GRID2: variants seen among roughly 807,000 people sequenced by gnomAD.
The protein encoded by GRID2 is glutamate receptor ionotropic, delta-2.
In GRID2, 33 loss-of-function variants were observed where a neutral mutation model predicts 114.8. That is an observed-to-expected ratio of 0.29 (90% CI 0.22 to 0.38). The LOEUF (loss-of-function observed/expected upper bound fraction) is 0.38. Among genes scored for constraint, GRID2 ranks in the 10% least tolerant of loss-of-function variants. The probability of loss-of-function intolerance (pLI) is 1.00; values close to 1 mark genes in which losing one functional copy is unlikely to be tolerated. For synonymous variants in GRID2, 505 were observed against 449.9 expected, an observed-to-expected ratio of 1.12 and a Z score of -1.55; for missense variants, 1,184 against 1,257.7, an observed-to-expected ratio of 0.94 and a Z score of 0.89.
intron 2 of GRID2, among the ~76,000 whole-genome samples, chr4:92,999,263 G>A (rs938839179): frequency 6.6e-6 from 1 of 151,804 alleles, no homozygotes; most frequent in African/African-American, 2.4e-5. Context: ...ATTGCACCAT[G>A]TATAGAACTT....
intron 1 of GRID2, among the ~76,000 whole-genome samples, chr4:93,798,173 A>C (rs1349316814): frequency 6.6e-6 from 1 of 152,088 alleles, no homozygotes; most frequent in Non-Finnish European, 1.5e-5. Context: ...AAAAATAAAA[A>C]ATAAAAAGAG....
At position 93,172,931 on chromosome 4, in the gene GRID2, A is replaced by G. The variant is rs146684710; in HGVS notation, c.736-34473A>G. Among the ~76,000 whole-genome samples the G allele has an allele frequency of 6.5e-3, 986 of 152,102 alleles. 4 individuals are homozygous for G. Among genetic ancestry groups the G allele is most frequent in the African/African-American group, 8.5e-3 (353 of 41,510 alleles). On this transcript the variant is annotated intron_variant, in intron 4 of 15. Transcript: ENST00000282020. ...TTAAACTTTTTTTTTTTTCAGTTCA[A>G]TGATTCACTATTGCTCTGCCAAGTT... is the stretch of plus-strand genomic sequence containing the variant.
At chr4:92,404,633 T>C (rs1730940994) in intron 1 of GRID2, among the ~76,000 whole-genome samples, 1 of 152,068 alleles carries the variant, frequency 6.6e-6, no homozygotes, top group East Asian at 1.9e-4. Flanking sequence ...TCAACCCAAA[T>C]GCCCATCAAT....
intron 10 of GRID2, among the ~76,000 whole-genome samples, chr4:93,447,293 T>C (rs1287743650): frequency 6.6e-6 from 1 of 151,908 alleles, no homozygotes; most frequent in Admixed American, 6.6e-5. Flanking sequence ...TTCAACTCAA[T>C]AAACAAAATA....
intron 12 of GRID2, among the ~76,000 whole-genome samples, chr4:93,502,831 A>G (rs1029910516): frequency 1.3e-5 from 2 of 151,784 alleles, no homozygotes; most frequent in African/African-American, 4.8e-5. Flanking sequence ...TACCCCAGCT[A>G]ATAGCAAGTG....
intron 14 of GRID2, among the ~76,000 whole-genome samples, chr4:93,697,717 C>T (rs1052520130): frequency 4.0e-5 from 6 of 150,620 alleles, no homozygotes; most frequent in Admixed American, 3.3e-4. Flanking sequence ...GTTCAGGAGA[C>T]CTATTTTATA....
intron 2 of GRID2, among the ~76,000 whole-genome samples, chr4:92,763,052 C>T (rs992962317): frequency 3.3e-5 from 5 of 152,086 alleles, no homozygotes; most frequent in African/African-American, 7.2e-5. Flanking sequence ...GAGTATCAGC[C>T]GACTTTGGGA....
chr4:92,596,729 ACTG>A (rs1728972667), intron 2 of GRID2, among the ~76,000 whole-genome samples: 1 of 151,770 alleles, frequency 6.6e-6, no homozygotes, highest in Admixed American at 6.6e-5. Flanking sequence ...AACCTTTTCC[ACTG>A]CAGAATTTCC....
intron 2 of GRID2, among the ~76,000 whole-genome samples, chr4:92,714,653 A>G (rs1029190261): frequency 1.1e-4 from 16 of 152,260 alleles, no homozygotes; most frequent in African/African-American, 2.6e-4. Flanking sequence ...CTTGACTTCT[A>G]TGCACCCACA....
chr4:93,549,123 C>G (rs1213002914), intron 13 of GRID2, among the ~76,000 whole-genome samples: 1 of 152,046 alleles, frequency 6.6e-6, no homozygotes, highest in Non-Finnish European at 1.5e-5. Flanking sequence ...ATTTTTTTCT[C>G]TCTCGATCAA....
At chr4:92,731,465 G>A (rs541238952) in intron 2 of GRID2, among the ~76,000 whole-genome samples, 76 of 151,950 alleles carry the variant, frequency 5.0e-4, no homozygotes, top group African/African-American at 1.8e-3. Flanking sequence ...GAAATACAGT[G>A]TATTCAGAAG....
chr4:92,914,813 G>A (rs1432609118), intron 2 of GRID2, among the ~76,000 whole-genome samples: 2 of 152,002 alleles, frequency 1.3e-5, no homozygotes, highest in East Asian at 1.9e-4. Context: ...TTTAAATCCA[G>A]TCTATCATTG....
intron 2 of GRID2, among the ~76,000 whole-genome samples, chr4:92,999,557 C>T (rs1397582253): frequency 6.6e-6 from 1 of 151,580 alleles, no homozygotes; most frequent in Non-Finnish European, 1.5e-5. Flanking sequence ...TAGTATTTTT[C>T]AGGTTACTGC....
intron 2 of GRID2, among the ~76,000 whole-genome samples, chr4:92,922,757 A>G (rs190978354): frequency 2.0e-5 from 3 of 152,190 alleles, no homozygotes; most frequent in Non-Finnish European, 4.4e-5. Context: ...AAGATGGATG[A>G]ATCTCACAAA....
intron 8 of GRID2, among the ~76,000 whole-genome samples, chr4:93,260,493 C>T (rs559280374): frequency 7.9e-5 from 12 of 151,348 alleles, no homozygotes; most frequent in Admixed American, 3.3e-4. Context: ...CCTTTGCATA[C>T]GACTACATTA....
intron 2 of GRID2, among the ~76,000 whole-genome samples, chr4:92,692,964 A>C (rs1560535912): frequency 6.6e-6 from 1 of 151,812 alleles, no homozygotes; most frequent in Non-Finnish European, 1.5e-5. Context: ...CAGAGGTGGC[A>C]GTGAGCTGAG....
intron 2 of GRID2, among the ~76,000 whole-genome samples, chr4:92,625,084 T>C (rs1043673804): frequency 1.3e-5 from 2 of 151,774 alleles, no homozygotes; most frequent in Admixed American, 6.6e-5. Context: ...TATATTTTTG[T>C]TTAATGTTCC....
At chr4:92,391,732 C>T (rs1730246624) in intron 1 of GRID2, among the ~76,000 whole-genome samples, 1 of 152,194 alleles carries the variant, frequency 6.6e-6, no homozygotes, top group Admixed American at 6.5e-5. Flanking sequence ...TTGATCTTCT[C>T]ACTAACTTGA....
chr4:93,653,929 A>C (rs568603192), intron 14 of GRID2, among the ~76,000 whole-genome samples: 1 of 152,310 alleles, frequency 6.6e-6, no homozygotes, highest in Non-Finnish European at 1.5e-5. Context: ...AAATGTTCAA[A>C]TATTAGAAGG....
Sources: gnomAD v4.1 joint callset for allele counts (sites outside exome capture counted in the v4.1 genomes callset) on GRCh38, gnomAD v4.1.1 for gene constraint, MANE v1.5 for transcripts, NCBI Gene and HGNC (gene_info 2026-07-23, HGNC 2026-07-21) for gene names.